Variants in ROBO2 observed in about 807,000 individuals in gnomAD.
ROBO2 encodes the protein roundabout guidance receptor 2.
A neutral mutation model predicts 160.8 loss-of-function variants in ROBO2; 53 were observed. The ratio of observed to expected loss-of-function variants is 0.33; its 90% confidence interval spans 0.26 to 0.41. ROBO2 has a LOEUF of 0.41. ROBO2 is among the 10% of genes least tolerant of loss of function. The pLI is 1.00. For missense variants in ROBO2, 1,577 were observed against 1,722.4 expected, an observed-to-expected ratio of 0.92 and a Z score of 1.49; for synonymous variants, 664 against 611.7, an observed-to-expected ratio of 1.09 and a Z score of -1.26.
At chr3:76,341,473 T>G (rs1021158585) in intron 2 of ROBO2, among the ~76,000 whole-genome samples, 3 of 151,040 alleles carry the variant, frequency 2.0e-5, no homozygotes, top group African/African-American at 7.3e-5. Flanking sequence ...ATTACGTGTC[T>G]TGCAAATGTA....
At chr3:77,081,466 A>C (rs1462834940) in intron 1 of ROBO2, among the ~76,000 whole-genome samples, 1 of 152,206 alleles carries the variant, frequency 6.6e-6, no homozygotes, top group East Asian at 1.9e-4. Flanking sequence ...CATCAGGCAA[A>C]TACAACTTCT....
At chr3:76,075,082 C>T (rs1372425102) in intron 2 of ROBO2, among the ~76,000 whole-genome samples, 1 of 151,994 alleles carries the variant, frequency 6.6e-6, no homozygotes, top group Non-Finnish European at 1.5e-5. Context: ...TCGTATTTAT[C>T]CTGCTGAGTT....
chr3:77,098,169 A>G, exon 2 of ROBO2: 1 of 1,614,140 alleles, frequency 6.2e-7, no homozygotes, highest in East Asian at 2.2e-5. Flanking sequence ...GCGAGTGGAG[A>G]CTGACAAGGA....
chr3:76,646,822 TA>T (rs2090993673), intron 2 of ROBO2, among the ~76,000 whole-genome samples: 2 of 152,242 alleles, frequency 1.3e-5, no homozygotes, highest in South Asian at 4.1e-4. Flanking sequence ...TTTTAATATT[TA>T]AAAAACTGTT....
chr3:76,185,498 A>G lies in ROBO2; in HGVS notation c.109+247896A>G, dbSNP rs551031614. ...GTGAAAAGAAAATTAGCACTAAAGCATCAAAAATGGTCAGCATGGGAAGAG... is the reference window on the plus strand; with the variant it reads ...GTGAAAAGAAAATTAGCACTAAAGCGTCAAAAATGGTCAGCATGGGAAGAG... On this transcript the variant is annotated intron_variant, in intron 2 of 26. Coordinates refer to the ROBO2 transcript ENST00000487694. 2.0e-5 allele frequency among the ~76,000 whole-genome samples: 3 copies of G among 152,148 alleles called. No homozygotes were observed. The East Asian group carries it at 5.8e-4, about 30-fold the overall frequency.
chr3:76,506,469 A>G (rs146111898), intron 2 of ROBO2, among the ~76,000 whole-genome samples: 1,694 of 152,110 alleles, frequency 0.011, 28 homozygotes, highest in African/African-American at 0.038. Context: ...GTGCTGTTTT[A>G]TTTTGTTCTC....
chr3:75,994,760 G>A (rs1338796137), intron 2 of ROBO2, among the ~76,000 whole-genome samples: 1 of 152,214 alleles, frequency 6.6e-6, no homozygotes, highest in Non-Finnish European at 1.5e-5. Flanking sequence ...ATAGGCAGAA[G>A]TTAGTACAGT....
chr3:76,453,959 T>G (rs899092911), intron 2 of ROBO2, among the ~76,000 whole-genome samples: 11 of 152,132 alleles, frequency 7.2e-5, no homozygotes, highest in African/African-American at 2.7e-4. Context: ...GCCCAGAAAG[T>G]GCATGAGTAC....
At position 77,519,262 on chromosome 3, in the gene ROBO2, T is replaced by TA. The variant is rs550621957; in HGVS notation, c.807-3506dup. Among the ~76,000 whole-genome samples, 255 of 151,520 alleles carry TA rather than the reference T, an allele frequency of 1.7e-3. 4 individuals carry two copies. The highest frequency in any genetic ancestry group is 5.5e-3 in the African/African-American group (227 of 41,474). On this transcript the variant is annotated intron_variant, in intron 5 of 25. Transcript: ENST00000461745. ...TTGTTTCCACCTTCCTTTAAAATGATAAAAAAATCTCAGGAAGTCAGATTT... is the reference window on the plus strand; with the variant it reads ...TTGTTTCCACCTTCCTTTAAAATGATAAAAAAAATCTCAGGAAGTCAGATTT...
intron 2 of ROBO2, among the ~76,000 whole-genome samples, chr3:76,742,285 G>A (rs2093814843): frequency 6.6e-6 from 1 of 152,102 alleles, no homozygotes; most frequent in South Asian, 2.1e-4. Context: ...TGAAGGGCTA[G>A]ACAATGATTA....
At chr3:76,200,443 TC>T (rs1702467639) in intron 2 of ROBO2, among the ~76,000 whole-genome samples, 1 of 152,140 alleles carries the variant, frequency 6.6e-6, no homozygotes, top group South Asian at 2.1e-4. Context: ...TTTTCCTGAA[TC>T]CACTGGTTCT....
intron 2 of ROBO2, among the ~76,000 whole-genome samples, chr3:76,264,182 C>T (rs1202840750): frequency 1.3e-5 from 2 of 151,978 alleles, no homozygotes; most frequent in Non-Finnish European, 2.9e-5. Context: ...CACATGTGTA[C>T]CTATGTAACA....
At chr3:76,070,312 G>C (rs916814149) in intron 2 of ROBO2, among the ~76,000 whole-genome samples, 20 of 152,244 alleles carry the variant, frequency 1.3e-4, no homozygotes, top group Admixed American at 2.0e-4. Flanking sequence ...ATGCGCACCT[G>C]GGGTTGGGTC....
At chr3:76,239,283 A>G (rs1705146804) in intron 2 of ROBO2, among the ~76,000 whole-genome samples, 1 of 152,130 alleles carries the variant, frequency 6.6e-6, no homozygotes, top group African/African-American at 2.4e-5. Context: ...AAATAATCCT[A>G]TTTAATAGAA....
At chr3:77,456,178 A>C (rs2081619648) in intron 2 of ROBO2, among the ~76,000 whole-genome samples, 1 of 152,214 alleles carries the variant, frequency 6.6e-6, no homozygotes, top group African/African-American at 2.4e-5. Flanking sequence ...AAAAGCAATA[A>C]TGTTGAAAGC....
At chr3:77,253,519 C>G (rs2090611046) in intron 2 of ROBO2, among the ~76,000 whole-genome samples, 1 of 152,130 alleles carries the variant, frequency 6.6e-6, no homozygotes, top group African/African-American at 2.4e-5. Flanking sequence ...TATTCTTAAT[C>G]TATTATGAGG....
intron 2 of ROBO2, among the ~76,000 whole-genome samples, chr3:76,328,888 A>G (rs912229581): frequency 2.1e-3 from 249 of 120,030 alleles, no homozygotes; most frequent in Middle Eastern, 0.013. Flanking sequence ...AAACAAATAT[A>G]TATATATATA....
At chr3:77,605,287 CT>C (rs2094505521) in intron 20 of ROBO2, among the ~76,000 whole-genome samples, 1 of 151,534 alleles carries the variant, frequency 6.6e-6, no homozygotes, top group African/African-American at 2.4e-5. Flanking sequence ...ATAAGAAATT[CT>C]CACCTTAAAG....
Position 76,365,727 on chromosome 3 carries a change from A to G in ROBO2, c.109+428125A>G, listed in dbSNP as rs77334107. Among the ~76,000 whole-genome samples the G allele has an allele frequency of 2.6e-5, 4 of 152,196 alleles. No individual in the cohort carries two copies. The East Asian group carries it at 7.7e-4, about 29-fold the overall frequency. On this transcript the variant is annotated intron_variant, in intron 2 of 26. Coordinates refer to the ROBO2 transcript ENST00000487694. ...ATGTATTGCAAATATCTTGAAAACT[A>G]TCTATTAAATTGAATCTTTGAGCTG...
Sources: allele counts gnomAD v4.1 joint callset (sites outside exome capture counted in the v4.1 genomes callset), GRCh38; gene constraint gnomAD v4.1.1; transcripts MANE v1.5; gene names NCBI Gene and HGNC (gene_info 2026-07-23, HGNC 2026-07-21).